PRELID2: variants seen among roughly 807,000 people sequenced by gnomAD.
PRELID2 encodes PRELI domain containing 2, also known as PRELI domain-containing protein 2.
Under a neutral mutation model 28.4 loss-of-function variants are expected in PRELID2, and 25 were observed. The ratio of observed to expected loss-of-function variants is 0.88; its 90% confidence interval spans 0.64 to 1.23. The LOEUF (loss-of-function observed/expected upper bound fraction) is 1.23. Ranked by LOEUF, PRELID2 falls within the 50% of genes most tolerant of loss-of-function variation. The pLI, the probability that PRELID2 is intolerant of heterozygous loss-of-function variation, is 0.00. For synonymous variants in PRELID2, 76 were observed against 71.6 expected (o/e 1.06, Z -0.31); for missense variants, 201 against 214.4 (o/e 0.94, Z 0.39).
chr5:145,412,219 T>A, the PRELID2 span, among the ~76,000 whole-genome samples: 1 of 152,236 alleles, frequency 6.6e-6, no homozygotes, highest in South Asian at 2.1e-4. Flanking sequence ...AATGGGTTTT[T>A]CTTTTTTCCT....
In PRELID2 at chr5:145,500,387, G is replaced by A. The variant is rs1225562715; in HGVS notation, n.71-27072C>T. Among the ~76,000 whole-genome samples, 7 of 151,612 alleles carry A rather than the reference G, an allele frequency of 4.6e-5. No homozygotes were observed. The East Asian group carries it at 5.8e-4, about 13-fold the overall frequency. On this transcript the variant is annotated intron_variant and non_coding_transcript_variant, in intron 1 of 2. Transcript: ENST00000510259. ...ATTGTAAGTTTCCTGAGGCCTCCCC[G>A]GAAGCAGAAGCCTGTATAGCCTGTA...
intron 1 of PRELID2, among the ~76,000 whole-genome samples, chr5:145,693,780 A>T (rs947880317): frequency 1.3e-5 from 2 of 152,168 alleles, no homozygotes; most frequent in African/African-American, 4.8e-5. Flanking sequence ...TCTCCAAAAA[A>T]CTTAAATTAA....
chr5:145,769,047 G>A (rs969921409), intron 5 of PRELID2, among the ~76,000 whole-genome samples: 3 of 152,124 alleles, frequency 2.0e-5, no homozygotes, highest in Admixed American at 6.5e-5. Flanking sequence ...AAGTTCCAAC[G>A]CTTAAATCTC....
chr5:145,761,559 C>T (rs943445765), intron 6 of PRELID2, among the ~76,000 whole-genome samples: 1 of 152,182 alleles, frequency 6.6e-6, no homozygotes, highest in South Asian at 2.1e-4. Context: ...CACCACAACA[C>T]TCCTTGATGT....
chr5:145,423,566 A>T, the PRELID2 span, among the ~76,000 whole-genome samples: 1 of 144,200 alleles, frequency 6.9e-6, no homozygotes, highest in East Asian at 2.0e-4. Flanking sequence ...GTAGTTCTCG[A>T]GCCTTGGTTT....
chr5:145,399,170 G>T, the PRELID2 span, among the ~76,000 whole-genome samples: 1 of 152,010 alleles, frequency 6.6e-6, no homozygotes, highest in African/African-American at 2.4e-5. Context: ...TCCTCTGGGA[G>T]GAGTTTTCTT....
the PRELID2 span, among the ~76,000 whole-genome samples, chr5:145,378,285 G>A: frequency 1.3e-5 from 2 of 152,100 alleles, no homozygotes; most frequent in African/African-American, 4.8e-5. Context: ...CTTTTTTGAA[G>A]TATCTTACAG....
At chr5:145,390,032 G>T in the PRELID2 span, among the ~76,000 whole-genome samples, 21 of 152,156 alleles carry the variant, frequency 1.4e-4, no homozygotes, top group Non-Finnish European at 2.8e-4. Flanking sequence ...AAACAAATCT[G>T]CCTTCACAGT....
chr5:145,573,530 G>A (rs1280579603), intron 1 of PRELID2, among the ~76,000 whole-genome samples: 1 of 151,870 alleles, frequency 6.6e-6, no homozygotes, highest in African/African-American at 2.4e-5. Flanking sequence ...CCCCATGTGC[G>A]ATGTTCCCCA....
intron 1 of PRELID2, among the ~76,000 whole-genome samples, chr5:145,591,975 A>T (rs1753235663): frequency 6.6e-6 from 1 of 152,172 alleles, no homozygotes; most frequent in Admixed American, 6.6e-5. Context: ...ACCTCATCCT[A>T]CATTCCATAC....
intron 1 of PRELID2, among the ~76,000 whole-genome samples, chr5:145,532,605 T>A (rs1233898803): frequency 6.6e-6 from 1 of 152,020 alleles, no homozygotes; most frequent in Non-Finnish European, 1.5e-5. Flanking sequence ...ATTTAACCAA[T>A]CTCTTCCCAT....
intron 1 of PRELID2, among the ~76,000 whole-genome samples, chr5:145,544,044 T>C (rs6580380): frequency 0.24 from 36,082 of 151,676 alleles, 5,378 homozygotes; most frequent in African/African-American, 0.44. Context: ...TTAAAACCTA[T>C]AAAAAATAAT....
At chr5:145,563,688 A>T (rs931301930) in intron 1 of PRELID2, among the ~76,000 whole-genome samples, 1 of 152,234 alleles carries the variant, frequency 6.6e-6, no homozygotes, top group African/African-American at 2.4e-5. Context: ...AAAAAGAAAA[A>T]TACTGCATGA....
chr5:145,628,449 G>A (rs1043324218), intron 1 of PRELID2, among the ~76,000 whole-genome samples: 1 of 152,052 alleles, frequency 6.6e-6, no homozygotes, highest in African/African-American at 2.4e-5. Flanking sequence ...TCAGCCTCCT[G>A]AGTAGCTGGG....
chr5:145,546,654 G>C (rs939781511), intron 1 of PRELID2, among the ~76,000 whole-genome samples: 1 of 152,158 alleles, frequency 6.6e-6, no homozygotes, highest in Non-Finnish European at 1.5e-5. Flanking sequence ...ACCTCAGGTA[G>C]AGCAGAGATG....
intron 1 of PRELID2, among the ~76,000 whole-genome samples, chr5:145,478,241 G>T (rs1349916987): frequency 6.6e-6 from 1 of 151,956 alleles, no homozygotes; most frequent in Non-Finnish European, 1.5e-5. Context: ...GAACTTCAAA[G>T]ACTTAGTATG....
chr5:145,621,543 C>T lies in PRELID2; in HGVS notation n.70+143388G>A, dbSNP rs183037612. Among the ~76,000 whole-genome samples the T allele has an allele frequency of 2.8e-3, 431 of 152,312 alleles. 2 individuals carry two copies. The highest frequency in any genetic ancestry group is 3.9e-3 in the Non-Finnish European group (264 of 68,016). On this transcript the variant is annotated intron_variant and non_coding_transcript_variant, in intron 1 of 2. Transcript: ENST00000510259. ...ATAGATAAATTAAATGTGGCATACT[C>T]ATACAATGAAATATTATTCTACAAT...
chr5:145,503,844 A>G (rs1321419077), intron 1 of PRELID2, among the ~76,000 whole-genome samples: 2 of 152,206 alleles, frequency 1.3e-5, no homozygotes, highest in Non-Finnish European at 2.9e-5. Context: ...GAAATATACC[A>G]TAGGTTTACC....
At chr5:145,340,331 C>A in the PRELID2 span, among the ~76,000 whole-genome samples, 1 of 152,150 alleles carries the variant, frequency 6.6e-6, no homozygotes, top group African/African-American at 2.4e-5. Context: ...GCATGGACTG[C>A]ATGGGTTCCG....
Sources: allele counts gnomAD v4.1 joint callset (sites outside exome capture counted in the v4.1 genomes callset), GRCh38; gene constraint gnomAD v4.1.1; transcripts MANE v1.5; gene names NCBI Gene and HGNC (gene_info 2026-07-23, HGNC 2026-07-21).